Variants in JAKMIP1 observed in about 807,000 individuals in gnomAD.
JAKMIP1 encodes janus kinase and microtubule interacting protein 1.
A neutral mutation model predicts 113.0 loss-of-function variants in JAKMIP1; 33 were observed. The ratio of observed to expected loss-of-function variants is 0.29; its 90% CI spans 0.22 to 0.39. The LOEUF (loss-of-function observed/expected upper bound fraction) is 0.39, where lower values mean the gene tolerates loss of function less well. Ranked by LOEUF, JAKMIP1 falls within the 10% of genes least tolerant of loss-of-function variation. The pLI, the probability that JAKMIP1 is intolerant of heterozygous loss-of-function variation, is 1.00. For missense variants in JAKMIP1, 813 were observed against 1,080.5 expected (o/e 0.75, Z 3.47); for synonymous variants, 480 against 459.9 (o/e 1.04, Z -0.56).
At chr4:6,189,248 G>A (rs1010959840) in intron 1 of JAKMIP1, among the ~76,000 whole-genome samples, 1 of 152,238 alleles carries the variant, frequency 6.6e-6, no homozygotes, top group Non-Finnish European at 1.5e-5. Context: ...CTAAAAGCAG[G>A]CTGCACCGTA....
intron 3 of JAKMIP1, among the ~76,000 whole-genome samples, chr4:6,103,982 A>C (rs958910037): frequency 3.9e-5 from 6 of 152,106 alleles, no homozygotes; most frequent in Non-Finnish European, 7.4e-5. Context: ...GCTCTTTAAA[A>C]TTTCCTTCCT....
At chr4:6,109,344 A>G (rs746838378) in intron 2 of JAKMIP1, among the ~76,000 whole-genome samples, 10 of 151,804 alleles carry the variant, frequency 6.6e-5, no homozygotes, top group Non-Finnish European at 1.2e-4. Context: ...TGTGTTAGCC[A>G]GGATGGTCTC....
rs1715618970 is a variant in JAKMIP1 at position 6,051,218 on chromosome 4, CT to C, written c.1807-540del. Among the ~76,000 whole-genome samples, 1 of 143,570 alleles carries C rather than the reference CT, an allele frequency of 7.0e-6. No individual in the cohort carries two copies. Among genetic ancestry groups the C allele is most frequent in the African/African-American group, 2.8e-5 (1 of 35,752 alleles). 94.2% of individuals were successfully genotyped at this position (143,570 alleles called of 152,430 possible). On this transcript the variant is annotated intron_variant, in intron 13 of 20. Coordinates refer to ENST00000409021, the MANE Select transcript of JAKMIP1 (RefSeq NM_001099433.2). This position sits in a 1 kb window ranked among gnomAD's most constrained non-coding sequence, Gnocchi z 5.0. ...CCAAAGGCTGACTTTCTTTCTTTTT[CT>C]TTCCTTTTTTTTTTTTTTTTGAGAG...
chr4:6,067,573 T>A lies in JAKMIP1; in HGVS notation c.1303-2565A>T, dbSNP rs567784177. ...CAATGGCACCCACGGGAGTGATGCA[T>A]CTGCAGCACTCAAGCTCTTCTGCAC... On this transcript the variant is annotated intron_variant, in intron 8 of 20. Transcript: ENST00000409021. The surrounding 1 kb of genome is among the most constrained non-coding windows in gnomAD (Gnocchi z 4.6). Among the ~76,000 whole-genome samples the A allele has an allele frequency of 1.5e-5, 2 of 130,698 alleles. No homozygotes were observed. The highest frequency in any genetic ancestry group is 7.5e-5 in the Admixed American group (1 of 13,246). The allele number at this position is 130,698 out of a possible 152,430, so 85.7% of individuals were successfully genotyped here.
At chr4:6,073,320 C>T (rs1157118765) in intron 8 of JAKMIP1, among the ~76,000 whole-genome samples, 1 of 152,124 alleles carries the variant, frequency 6.6e-6, no homozygotes, top group Non-Finnish European at 1.5e-5. Flanking sequence ...AAAAATGGCC[C>T]GCCAGACCTC....
chr4:6,050,716 C>T lies in JAKMIP1; in HGVS notation c.1807-37G>A, dbSNP rs376778383. On this transcript the variant is annotated intron_variant, in intron 13 of 20. Transcript: ENST00000409021. The surrounding 1 kb of genome is among the most constrained non-coding windows in gnomAD (Gnocchi z 7.4). ...ATTCGGTTTAAAAACAGAATGTGAC[C>T]GGATTATTTACCACTTGCCATTTTC... is the stretch of plus-strand genomic sequence containing the variant. 22 of 1,480,594 alleles carry T rather than the reference C, an allele frequency of 1.5e-5. No individual in the cohort carries two copies. The highest frequency in any genetic ancestry group is 1.7e-4 in the Middle Eastern group (1 of 5,846). The allele number at this position is 1,480,594 out of a possible 1,614,324, so 91.7% of individuals were successfully genotyped here. A position where few individuals can be genotyped will look rare whatever the true frequency, so the allele number is the denominator to read the frequency against.
chr4:6,142,721 T>C lies in JAKMIP1; in HGVS notation c.-147-29724A>G, dbSNP rs1412955149. 6.6e-6 allele frequency among the ~76,000 whole-genome samples: 1 copy of C among 152,116 alleles called. No homozygotes were observed. The highest frequency in any genetic ancestry group is 1.5e-5 in the Non-Finnish European group (1 of 68,022). ...TTCCAGGAGATGGCAATGGATGGGG[T>C]GCTCTGGCCCCGGGGCCTGGCCGCA... On this transcript the variant is annotated intron_variant, in intron 1 of 20. Coordinates refer to ENST00000409021, the MANE Select transcript of JAKMIP1 (RefSeq NM_001099433.2). The surrounding 1 kb of genome is among the most constrained non-coding windows in gnomAD (Gnocchi z 5.5).
In JAKMIP1 at chr4:6,143,914, T is replaced by C. The variant is rs2108967274; in HGVS notation, c.-147-30917A>G. 6.6e-6 allele frequency among the ~76,000 whole-genome samples: 1 copy of C among 152,346 alleles called. No individual in the cohort carries two copies. Among genetic ancestry groups the C allele is most frequent in the African/African-American group, 2.4e-5 (1 of 41,580 alleles). On this transcript the variant is annotated intron_variant, in intron 1 of 20. Transcript: ENST00000409021. The surrounding 1 kb of genome is among the most constrained non-coding windows in gnomAD (Gnocchi z 4.9). ...GGCTGATGGCTCTGGGTGAGTGCCT[T>C]CCTTCCTTCTCAGTCTCCAGGGCTG... is the stretch of plus-strand genomic sequence containing the variant.
Position 6,094,908 on chromosome 4 carries a change from T to C in JAKMIP1, c.625-9279A>G, listed in dbSNP as rs1433805814. Among the ~76,000 whole-genome samples the C allele has an allele frequency of 2.0e-5, 3 of 151,760 alleles. No individual in the cohort carries two copies. Among genetic ancestry groups the C allele is most frequent in the Non-Finnish European group, 4.4e-5 (3 of 67,932 alleles). ...CTGAGGTGGGAGGATTGCTTGAGCC[T>C]GGAAGGTAGAGGCTGCAGTGAGCTG... On this transcript the variant is annotated intron_variant, in intron 3 of 20. Transcript: ENST00000409021. The surrounding 1 kb of genome is among the most constrained non-coding windows in gnomAD (Gnocchi z 4.2).
intron 1 of JAKMIP1, among the ~76,000 whole-genome samples, chr4:6,114,787 T>G (rs1189795455): frequency 6.6e-6 from 1 of 152,262 alleles, no homozygotes; most frequent in African/African-American, 2.4e-5. Context: ...TCACCTCGGC[T>G]GACCTGCCGC....
chr4:6,102,539 A>T (rs1326605817), intron 3 of JAKMIP1, among the ~76,000 whole-genome samples: 1 of 152,104 alleles, frequency 6.6e-6, no homozygotes, highest in African/African-American at 2.4e-5. Flanking sequence ...GATAGTGCCT[A>T]GATCTTGGAC....
intron 3 of JAKMIP1, among the ~76,000 whole-genome samples, chr4:6,096,852 G>T (rs1309698471): frequency 4.6e-5 from 7 of 152,172 alleles, no homozygotes; most frequent in Admixed American, 4.6e-4. Flanking sequence ...ACATATAGCT[G>T]AAAGGTAATT....
In JAKMIP1 at chr4:6,081,601, C is replaced by T; in HGVS notation, c.1101+8G>A. The T allele has an allele frequency of 6.2e-7, 1 of 1,614,142 alleles. No homozygotes were observed. Among genetic ancestry groups the T allele is most frequent in the Non-Finnish European group, 8.5e-7 (1 of 1,180,008 alleles). On this transcript the variant is annotated splice_region_variant and intron_variant, in intron 6 of 20. Transcript: ENST00000409021. The surrounding 1 kb of genome is among the most constrained non-coding windows in gnomAD (Gnocchi z 4.6). ...GTCAGGGCTGTCCCCAAGGGGTCCA[C>T]AGCTCACCATTTCCACGTTTTCCCG...
intron 16 of JAKMIP1, among the ~76,000 whole-genome samples, chr4:6,043,725 T>A (rs1158803940): frequency 9.9e-6 from 1 of 100,732 alleles, no homozygotes; most frequent in Non-Finnish European, 1.9e-5. Flanking sequence ...CATATCTGAA[T>A]CCTCCCCACA....
At chr4:6,115,419 A>C (rs995402069) in intron 1 of JAKMIP1, among the ~76,000 whole-genome samples, 1 of 152,236 alleles carries the variant, frequency 6.6e-6, no homozygotes, top group African/African-American at 2.4e-5. Flanking sequence ...AAATAAATAC[A>C]TAAAAATAAA....
intron 2 of JAKMIP1, among the ~76,000 whole-genome samples, chr4:6,107,732 C>G (rs764373644): frequency 1.3e-5 from 2 of 151,388 alleles, no homozygotes; most frequent in Non-Finnish European, 2.9e-5. Flanking sequence ...TTAAAACTAA[C>G]GAATAACCTC....
rs1721819708 is a variant in JAKMIP1 at position 6,153,169 on chromosome 4, T to G, written c.-147-40172A>C. 6.6e-6 allele frequency among the ~76,000 whole-genome samples: 1 copy of G among 152,102 alleles called. No individual in the cohort carries two copies. Among genetic ancestry groups the G allele is most frequent in the Admixed American group, 6.5e-5 (1 of 15,270 alleles). ...TTCAAAATCAAGCTCTACCAGACTCTCCTGGCATCCAGCTCACCAGAGGCC... is the reference window on the plus strand; with the variant it reads ...TTCAAAATCAAGCTCTACCAGACTCGCCTGGCATCCAGCTCACCAGAGGCC... On this transcript the variant is annotated intron_variant, in intron 1 of 20. Transcript: ENST00000409021. The surrounding 1 kb of genome is among the most constrained non-coding windows in gnomAD (Gnocchi z 4.9).
intron 1 of JAKMIP1, among the ~76,000 whole-genome samples, chr4:6,147,979 T>A (rs1326435772): frequency 2.0e-5 from 3 of 152,242 alleles, no homozygotes; most frequent in African/African-American, 7.2e-5. Flanking sequence ...CCTATCAGCC[T>A]TGAGCTCACA....
intron 1 of JAKMIP1, among the ~76,000 whole-genome samples, chr4:6,173,443 A>T (rs1046889877): frequency 6.6e-6 from 1 of 152,224 alleles, no homozygotes; most frequent in Non-Finnish European, 1.5e-5. Flanking sequence ...GATGCCAAAT[A>T]TGAACTATGG....
Sources: gnomAD v4.1 joint callset for allele counts (sites outside exome capture counted in the v4.1 genomes callset) on GRCh38, gnomAD v4.1.1 for gene constraint, Gnocchi (gnomAD v3.1) non-coding constraint, MANE v1.5 for transcripts, NCBI Gene and HGNC (gene_info 2026-07-23, HGNC 2026-07-21) for gene names.